Variants in PODNL1 observed in about 807,000 individuals in gnomAD.
The protein encoded by PODNL1 is podocan like 1, also known as podocan-like protein 1.
PODNL1 carries 50 observed loss-of-function variants against 45.1 expected under a neutral mutation model. The ratio of observed to expected loss-of-function variants is 1.11; its 90% CI spans 0.88 to 1.40. PODNL1 has a LOEUF of 1.40. Ranked by LOEUF, PODNL1 falls within the 40% of genes most tolerant of loss-of-function variation. The pLI, the probability that PODNL1 is intolerant of heterozygous loss-of-function variation, is 0.00. For missense variants in PODNL1, 788 were observed against 793.3 expected (o/e 0.99, Z 0.08); for synonymous variants, 406 against 372.5 (o/e 1.09, Z -1.04).
intron 3 of PODNL1, 135 bp from the exon 4 acceptor site, chr19:13,936,179 C>G (rs1972337537): frequency 2.1e-6 from 2 of 940,394 alleles, no homozygotes; most frequent in Middle Eastern, 3.3e-4. Flanking sequence ...CCCCTCCTCC[C>G]CATCCCTACT....
At chr19:13,935,853 C>A in intron 4 of PODNL1, 23 bp from the exon 5 acceptor site, 1 of 1,589,356 alleles carries the variant, frequency 6.3e-7, no homozygotes, top group South Asian at 1.1e-5. Context: ...AGCCCACAGC[C>A]GGACTGGTCC....
chr19:13,953,234 C>T (rs1388480840), exon 1 of PODNL1: 1 of 1,203,364 alleles, frequency 8.3e-7, no homozygotes, highest in Non-Finnish European at 1.1e-6. Flanking sequence ...TGGAAACTCC[C>T]AGAGCTGGGG....
chr19:13,939,968 G>A (rs890950625), upstream of PODNL1: 2 of 152,078 alleles, frequency 1.3e-5, no homozygotes, highest in Admixed American at 1.3e-4. Context: ...TTGAGCCTCT[G>A]GGCTCAAGTT....
chr19:13,933,574 G>A lies in PODNL1; in HGVS notation c.768-119C>T, dbSNP rs73515522. ...ATTTAAGCTGGAGATTTTGACTTGG[G>A]AGTGATGCGTGGAGAGAGCTGGGTG... is the stretch of plus-strand genomic sequence containing the variant. On this transcript the variant is annotated intron_variant, in intron 7 of 9. Coordinates refer to ENST00000588872, the MANE Select transcript of PODNL1 (RefSeq NM_001370095.3). This position sits in a 1 kb window ranked among gnomAD's most constrained non-coding sequence, Gnocchi z 5.2. 4.0e-3 allele frequency: 4,616 copies of A among 1,154,936 alleles called. 121 individuals are homozygous for A. The African/African-American group carries it at 0.058, about 14-fold the overall frequency. 71.5% of individuals were successfully genotyped at this position (1,154,936 alleles called of 1,614,324 possible).
rs369579003 is a variant in PODNL1 at position 13,933,493 on chromosome 19, G to A, written c.768-38C>T. 6.6e-7 allele frequency: 1 copy of A among 1,517,682 alleles called. No individual in the cohort carries two copies. The highest frequency in any genetic ancestry group is 8.8e-7 in the Non-Finnish European group (1 of 1,137,034). The allele number at this position is 1,517,682 out of a possible 1,614,324, so 94.0% of individuals were successfully genotyped here. On this transcript the variant is annotated intron_variant, in intron 7 of 9. Coordinates refer to ENST00000588872, the MANE Select transcript of PODNL1 (RefSeq NM_001370095.3). The surrounding 1 kb of genome is among the most constrained non-coding windows in gnomAD (Gnocchi z 5.2). ...AGGGTCGGTGTTAGGTGGGGCACTT[G>A]GAGTGGGGTGCCTGACAGATTTTGG...
upstream of PODNL1, chr19:13,938,493 A>C: frequency 8.4e-7 from 1 of 1,194,316 alleles, no homozygotes; most frequent in Non-Finnish European, 1.0e-6. Context: ...GGCCACAAGA[A>C]CAAGGAATGT....
At position 13,935,801 on chromosome 19, in the gene PODNL1, C is replaced by G. The variant is rs1157604989; in HGVS notation, c.414G>C (p.Arg138=). 6.2e-7 allele frequency: 1 copy of G among 1,602,756 alleles called. No homozygotes were observed. Among genetic ancestry groups the G allele is most frequent in the Admixed American group, 1.8e-5 (1 of 55,548 alleles). The change falls in exon 5 of 10, where the codon CGG becomes CGC. Residue 138 remains arginine, a synonymous_variant. Coordinates refer to ENST00000588872, the MANE Select transcript of PODNL1 (RefSeq NM_001370095.3). ...KLSVAPQFLP[R]SLRVADLAAN... is the part of the protein sequence containing the mutation. ...CAGCCAGATCCGCGACACGGAGGGA[C>G]CGGGGCAGAAACTGAGGGGCCACTG...
chr19:13,933,008 G>C lies in PODNL1; in HGVS notation c.1215C>G (p.Ser405Arg), dbSNP rs1442858003. Residue 405 changes from serine to arginine, a missense_variant, in exon 8 of 10, where the codon AGC becomes AGG. Coordinates refer to ENST00000588872, the MANE Select transcript of PODNL1 (RefSeq NM_001370095.3). The surrounding 1 kb of genome is among the most constrained non-coding windows in gnomAD (Gnocchi z 5.2). ...RAFRRLRALRSLDLAGNQLTR... is the reference protein window; with the variant it reads ...RAFRRLRALRRLDLAGNQLTR... Reference sequence around the variant, plus strand: ...TTAGCTGATTCCCTGCCAGGTCGAGGCTGCGCAGGGCACGCAACCGGCGGA... The same window carrying C: ...TTAGCTGATTCCCTGCCAGGTCGAGCCTGCGCAGGGCACGCAACCGGCGGA... 2 of 1,541,896 alleles carry C rather than the reference G, an allele frequency of 1.3e-6. No individual in the cohort carries two copies. Among genetic ancestry groups the C allele is most frequent in the African/African-American group, 2.7e-5 (2 of 73,402 alleles).
chr19:13,933,035 G>T lies in PODNL1; in HGVS notation c.1188C>A (p.Ala396=), dbSNP rs1346335268. 3.3e-5 allele frequency: 51 copies of T among 1,537,716 alleles called. No individual in the cohort carries two copies. Among genetic ancestry groups the T allele is most frequent in the Admixed American group, 3.9e-5 (2 of 51,030 alleles). The change falls in exon 8 of 10, where the codon GCC becomes GCA. Residue 396 remains alanine, a synonymous_variant. Transcript: ENST00000588872. The surrounding 1 kb of genome is among the most constrained non-coding windows in gnomAD (Gnocchi z 5.2). ...RLASARVHHR[A]FRRLRALRSL... ...TGCGCAGGGCACGCAACCGGCGGAA[G>T]GCCCGGTGGTGCACACGGGCGCTGG...
intron 1 of PODNL1, chr19:13,952,693 G>A (rs1973111954): frequency 3.1e-6 from 4 of 1,302,416 alleles, no homozygotes; most frequent in Non-Finnish European, 3.9e-6. Flanking sequence ...TGGGGAGTAG[G>A]GACGAGGGAG....
Position 13,933,087 on chromosome 19 carries a change from T to C in PODNL1, c.1136A>G (p.Glu379Gly). 7 of 1,531,958 alleles carry C rather than the reference T, an allele frequency of 4.6e-6. No individual in the cohort carries two copies. The South Asian group carries it at 6.0e-5, about 13-fold the overall frequency. 94.9% of individuals were successfully genotyped at this position (1,531,958 alleles called of 1,614,324 possible). A position where few individuals can be genotyped will look rare whatever the true frequency, so the allele number is the denominator to read the frequency against. Residue 379 changes from glutamate to glycine, a missense_variant, in exon 8 of 10, where the codon GAG becomes GGG. This residue lies in a region of PODNL1 where 762 missense variants were observed against 750.9 expected (regional missense o/e 1.01). Transcript: ENST00000588872. This position sits in a 1 kb window ranked among gnomAD's most constrained non-coding sequence, Gnocchi z 5.2. ...CAGGCGGTTATAGGCCAGGTTAAGC[T>C]CCGTCAGGCCCGGTGTGGCGACCAG... is the stretch of plus-strand genomic sequence containing the variant. ...RDLVATPGLT[E>G]LNLAYNRLAS...
chr19:13,952,480 C>A, intron 1 of PODNL1: 2 of 1,247,838 alleles, frequency 1.6e-6, no homozygotes, highest in Non-Finnish European at 2.0e-6. Context: ...GCGAAGGGGC[C>A]GGTTGCTCCG....
rs2145439140 is a variant in PODNL1, at chr19:13,937,813, G to C, written c.197C>G (p.Thr66Ser). ...LDLRVFPDNI[T>S]RAAQHLSLQN... is the part of the protein sequence containing the mutation. ...CAGGGAGAGGTGCTGAGCGGCTCTG[G>C]TGATGTTGTCCGGGAACACTCGAAG... The change falls in exon 2 of 10, where the codon ACC (threonine) becomes AGC (serine). Residue 66 changes from threonine (T) to serine (S), a missense_variant. Transcript: ENST00000588872. 1 of 1,593,336 alleles carries C rather than the reference G, an allele frequency of 6.3e-7. No homozygotes were observed. The highest frequency in any genetic ancestry group is 8.5e-7 in the Non-Finnish European group (1 of 1,171,420).
chr19:13,944,321 C>T (rs1972749784), intron 1 of PODNL1, among the ~76,000 whole-genome samples: 1 of 151,910 alleles, frequency 6.6e-6, no homozygotes, highest in Non-Finnish European at 1.5e-5. Context: ...GCCACCATGC[C>T]TGGCTAAATT....
At chr19:13,936,510 G>A (rs1429904606) in intron 2 of PODNL1, 50 bp from the exon 3 acceptor site, 7 of 1,478,360 alleles carry the variant, frequency 4.7e-6, no homozygotes, top group Non-Finnish European at 6.6e-6. Context: ...GTGACCAAGT[G>A]ACCCCAAGCA....
Position 13,937,985 on chromosome 19 carries a change from G to A in PODNL1, c.25C>T (p.Leu9=). 1 of 1,538,786 alleles carries A rather than the reference G, an allele frequency of 6.5e-7. No homozygotes were observed. The highest frequency in any genetic ancestry group is 8.8e-7 in the Non-Finnish European group (1 of 1,138,748). Residue 9 remains leucine (L), a synonymous_variant, in exon 2 of 10, where the codon CTG becomes TTG. Transcript: ENST00000588872. MWPSLLLL[L]LLPGPPPVAG... ...ACGGGCGGGGGCCCCGGCAACAGCAGGAGCAGCAGCAGGCTCGGCCACTGC... is the reference window on the plus strand; with the variant it reads ...ACGGGCGGGGGCCCCGGCAACAGCAAGAGCAGCAGCAGGCTCGGCCACTGC...
At chr19:13,939,511 T>C (rs1251519278), upstream of PODNL1, among the ~76,000 whole-genome samples, 3 of 152,008 alleles carry the variant, frequency 2.0e-5, no homozygotes, top group Non-Finnish European at 2.9e-5. Context: ...CACATCTGGC[T>C]AGAAGGATCT....
At position 13,932,115 on chromosome 19, in the gene PODNL1, G is replaced by C; in HGVS notation, c.1426-3C>G. 4.9e-6 allele frequency: 6 copies of C among 1,233,840 alleles called. No individual in the cohort carries two copies. Among genetic ancestry groups the C allele is most frequent in the Middle Eastern group, 3.1e-4 (1 of 3,210 alleles). 76.4% of individuals were successfully genotyped at this position (1,233,840 alleles called of 1,614,324 possible). On this transcript the variant is annotated splice_region_variant and splice_polypyrimidine_tract_variant and intron_variant, in intron 8 of 9. Transcript: ENST00000588872. ...TCATTGTGGCTGAGGTCCAGCATCT[G>C]GGCAGGGGGTTATAGATGGCATCGT...
intron 8 of PODNL1, 185 bp downstream of exon 8, chr19:13,932,613 C>T (rs1972023431): frequency 1.4e-6 from 2 of 1,480,258 alleles, no homozygotes; most frequent in Non-Finnish European, 1.8e-6. Context: ...GCCTTGGCTC[C>T]CCAAAGTGCT....
Sources: allele counts gnomAD v4.1 joint callset (sites outside exome capture counted in the v4.1 genomes callset), GRCh38; gene constraint gnomAD v4.1.1; regional missense constraint gnomAD v4.1.1; non-coding constraint Gnocchi (gnomAD v3.1); transcripts MANE v1.5; gene names NCBI Gene and HGNC (gene_info 2026-07-23, HGNC 2026-07-21).